Variants in RASA3 observed in about 807,000 individuals in gnomAD.
RASA3 encodes ras GTPase-activating protein 3.
Under a neutral mutation model 110.0 loss-of-function variants are expected in RASA3, and 73 were observed. That is an observed-to-expected ratio of 0.66 (90% CI 0.55 to 0.81). The LOEUF (loss-of-function observed/expected upper bound fraction) is 0.81. RASA3 is among the 30% of genes least tolerant of loss of function. The pLI, the probability that RASA3 is intolerant of heterozygous loss-of-function variation, is 0.00. For missense variants in RASA3, 976 were observed against 1,113.2 expected (o/e 0.88, Z 1.75); for synonymous variants, 500 against 451.4 (o/e 1.11, Z -1.37).
chr13:114,073,180 TA>T, intron 2 of RASA3, among the ~76,000 whole-genome samples: 1 of 151,402 alleles, frequency 6.6e-6, no homozygotes, highest in Non-Finnish European at 1.5e-5. Flanking sequence ...AAAAATTCCC[TA>T]CACGCAGGAA....
At chr13:114,105,552 C>T (rs1233039340) in intron 1 of RASA3, among the ~76,000 whole-genome samples, 2 of 152,212 alleles carry the variant, frequency 1.3e-5, no homozygotes, top group African/African-American at 4.8e-5. Context: ...CCACCGGCAT[C>T]GAAGCTCCTC....
intron 3 of RASA3, among the ~76,000 whole-genome samples, chr13:114,049,608 G>A (rs1318452180): frequency 1.3e-5 from 2 of 152,214 alleles, no homozygotes; most frequent in East Asian, 1.9e-4. Flanking sequence ...GTGGATTCTC[G>A]AGTATAAACG....
At chr13:114,005,504 A>G (rs2053495116) in intron 18 of RASA3, among the ~76,000 whole-genome samples, 1 of 151,888 alleles carries the variant, frequency 6.6e-6, no homozygotes, top group Non-Finnish European at 1.5e-5. Context: ...GAGGGGTCCC[A>G]GGCTGAAGGC....
chr13:114,051,739 C>G (rs762248252), intron 3 of RASA3, among the ~76,000 whole-genome samples: 5 of 152,128 alleles, frequency 3.3e-5, no homozygotes, highest in Non-Finnish European at 5.9e-5. Context: ...GGTCCCCCCA[C>G]AGATGCCCCG....
chr13:114,123,178 G>A (rs1218361144), intron 1 of RASA3, among the ~76,000 whole-genome samples: 8 of 152,226 alleles, frequency 5.3e-5, no homozygotes, highest in African/African-American at 9.6e-5. Context: ...ACCGGACGCC[G>A]AGGTGGCCGC....
At chr13:114,055,949 C>A (rs371650149) in intron 2 of RASA3, among the ~76,000 whole-genome samples, 115 of 152,356 alleles carry the variant, frequency 7.5e-4, no homozygotes, top group African/African-American at 2.6e-3. Context: ...CCACCGGCAC[C>A]GATAGCCAAG....
chr13:114,016,939 G>A (rs557768936), intron 12 of RASA3, among the ~76,000 whole-genome samples: 3 of 152,338 alleles, frequency 2.0e-5, no homozygotes, highest in Admixed American at 1.3e-4. Context: ...GGGACTGCAG[G>A]ACATGTGGAG....
chr13:114,003,892 T>C (rs950768657), intron 18 of RASA3, among the ~76,000 whole-genome samples: 2 of 152,208 alleles, frequency 1.3e-5, no homozygotes, highest in African/African-American at 4.8e-5. Context: ...TATTCTGGCG[T>C]CTCTTTATTC....
Position 114,017,311 on chromosome 13 carries a change from T to TG in RASA3, c.1131dup (p.Lys378GlnfsTer34), listed in dbSNP as rs1474710966. On this transcript the variant is annotated frameshift_variant, in exon 12 of 24. Transcript: ENST00000334062. LOFTEE classifies it high-confidence loss of function. ...AGCTTCATGGTCTCGTCGATGCACT[T>TG]GGACGCCAGTGAGTTTCCTCGGAAG... 1 of 1,614,028 alleles carries TG rather than the reference T, an allele frequency of 6.2e-7. No homozygotes were observed. Among genetic ancestry groups the TG allele is most frequent in the South Asian group, 1.1e-5 (1 of 91,082 alleles).
chr13:114,051,073 C>A (rs1189656645), intron 3 of RASA3, among the ~76,000 whole-genome samples: 3 of 152,210 alleles, frequency 2.0e-5, no homozygotes, highest in Non-Finnish European at 4.4e-5. Flanking sequence ...CGGGACCCCG[C>A]CCACGCACAG....
chr13:114,072,612 T>C (rs1183147158), intron 2 of RASA3, among the ~76,000 whole-genome samples: 1 of 152,048 alleles, frequency 6.6e-6, no homozygotes, highest in Non-Finnish European at 1.5e-5. Context: ...CTCGTGCGAG[T>C]CCACGCAGGG....
chr13:114,089,723 C>T (rs949987958), intron 1 of RASA3, among the ~76,000 whole-genome samples: 3 of 152,172 alleles, frequency 2.0e-5, no homozygotes, highest in Non-Finnish European at 2.9e-5. Flanking sequence ...TTAAAGGGCA[C>T]GATCCCGTGG....
At chr13:114,050,149 A>C (rs935146788) in intron 3 of RASA3, among the ~76,000 whole-genome samples, 2 of 152,134 alleles carry the variant, frequency 1.3e-5, no homozygotes, top group African/African-American at 4.8e-5. Context: ...ACGCGACATA[A>C]AGCTATGGGC....
At chr13:114,067,564 A>G (rs755923466) in intron 2 of RASA3, among the ~76,000 whole-genome samples, 1 of 152,188 alleles carries the variant, frequency 6.6e-6, no homozygotes, top group Admixed American at 6.5e-5. Flanking sequence ...CTAACCCCAA[A>G]TAACTTCTCC....
chr13:114,025,049 G>A (rs1161633385), intron 7 of RASA3, among the ~76,000 whole-genome samples: 5 of 151,818 alleles, frequency 3.3e-5, no homozygotes, highest in Non-Finnish European at 7.3e-5. Flanking sequence ...CTGGAGTTCC[G>A]ATTTAACCAC....
chr13:114,109,029 C>A (rs541515809), intron 1 of RASA3, among the ~76,000 whole-genome samples: 8 of 152,210 alleles, frequency 5.3e-5, no homozygotes, highest in Non-Finnish European at 1.0e-4. Context: ...CGGCCCCCTC[C>A]ACCTGTTTAC....
In RASA3 at chr13:114,098,495, G is replaced by A. The variant is rs148420684; in HGVS notation, c.56-24658C>T. ...CCCAGGCCAGCCCTGAGGCAGAGACGTGAACAGGCGAAAGTGCAGCAGGGC... is the reference window on the plus strand; with the variant it reads ...CCCAGGCCAGCCCTGAGGCAGAGACATGAACAGGCGAAAGTGCAGCAGGGC... On this transcript the variant is annotated intron_variant, in intron 1 of 23. Transcript: ENST00000334062. Among the ~76,000 whole-genome samples the A allele has an allele frequency of 3.1e-3, 466 of 152,272 alleles. 4 individuals carry two copies. The highest frequency in any genetic ancestry group is 8.7e-3 in the South Asian group (42 of 4,822).
intron 1 of RASA3, among the ~76,000 whole-genome samples, chr13:114,079,481 G>A (rs1427084936): frequency 6.6e-6 from 1 of 152,194 alleles, no homozygotes; most frequent in Admixed American, 6.5e-5. Context: ...TAAAAATTTT[G>A]CTAGGCACAC....
intron 1 of RASA3, among the ~76,000 whole-genome samples, chr13:114,111,560 T>A (rs1424441665): frequency 1.3e-4 from 17 of 131,468 alleles, no homozygotes; most frequent in African/African-American, 2.8e-4. Flanking sequence ...GGGCTGAGCC[T>A]CAAACGAGCT....
Sources: allele counts gnomAD v4.1 joint callset (sites outside exome capture counted in the v4.1 genomes callset), GRCh38; gene constraint gnomAD v4.1.1; transcripts MANE v1.5; gene names NCBI Gene and HGNC (gene_info 2026-07-23, HGNC 2026-07-21).